The following SEC31A variants were observed in gnomAD, a reference collection of about 807,000 sequenced individuals.
The protein encoded by SEC31A is SEC31 homolog A, COPII component.
Under a neutral mutation model 151.0 loss-of-function variants are expected in SEC31A, and 70 were observed. That is an observed-to-expected ratio of 0.46 (90% CI 0.38 to 0.57). SEC31A has a LOEUF of 0.57. SEC31A is among the 20% of genes least tolerant of loss of function. The pLI is 0.00. For missense variants in SEC31A, 1,330 were observed against 1,471.2 expected (o/e 0.90, Z 1.57); for synonymous variants, 475 against 505.9 (o/e 0.94, Z 0.82).
In SEC31A at chr4:82,848,939, T is replaced by C. The variant is rs889443293; in HGVS notation, c.2367A>G (p.Ala789=). Reference sequence around the variant, plus strand: ...CATGTCCTGCTACAGGCTCTCCTTGTGCTCTACAAAGTCTGTCACGAAGCT... The same window carrying C: ...CATGTCCTGCTACAGGCTCTCCTTGCGCTCTACAAAGTCTGTCACGAAGCT... The part of the protein sequence containing the change: ...IMQLRDRLCR[A]QGEPVAGHES... Residue 789 remains alanine, a synonymous_variant, in exon 20 of 27, where the codon GCA becomes GCG. Coordinates refer to ENST00000395310, the MANE Select transcript of SEC31A (RefSeq NM_001077207.4). 3 of 1,613,930 alleles carry C rather than the reference T, an allele frequency of 1.9e-6. No homozygotes were observed. The highest frequency in any genetic ancestry group is 1.1e-5 in the South Asian group (1 of 91,074).
intron 1 of SEC31A, among the ~76,000 whole-genome samples, chr4:82,886,599 T>C (rs1740762391): frequency 6.6e-6 from 1 of 152,208 alleles, no homozygotes; most frequent in Non-Finnish European, 1.5e-5. Context: ...AAGGCATTTA[T>C]TTTCTTACAT....
rs773337418 is a variant in SEC31A at position 82,819,208 on chromosome 4, T to C, written c.3529A>G (p.Ile1177Val). The C allele has an allele frequency of 6.2e-7, 1 of 1,610,864 alleles. No individual in the cohort carries two copies. Among genetic ancestry groups the C allele is most frequent in the Admixed American group, 1.7e-5 (1 of 59,566 alleles). The change falls in exon 27 of 27, where the codon ATT becomes GTT. Residue 1177 changes from isoleucine (I) to valine (V), a missense_variant. Transcript: ENST00000395310. ...CCTTCTGAGTAGTTTCGAGTTTCAA[T>C]GCTCCTTGCAATGTTGTGTAAACCA... ...TSGLHNIARSIETRNYSEGLT... is the reference protein window; with the variant it reads ...TSGLHNIARSVETRNYSEGLT...
chr4:82,827,589 A>G lies in SEC31A; in HGVS notation c.3071T>C (p.Ile1024Thr). Residue 1024 changes from isoleucine (I) to threonine (T), a missense_variant, in exon 24 of 27, where the codon ATC becomes ACC. By Grantham distance (89) the Ile-to-Thr change is moderately conservative. Coordinates refer to ENST00000395310, the MANE Select transcript of SEC31A (RefSeq NM_001077207.4). ...CTGGGGGTCACCCAACGGGTTCATG[A>G]TTGGTGATGTGATGGGAACAGGAGG... ...FMPPVPITSP[I>T]MNPLGDPQSQ... The G allele has an allele frequency of 6.2e-7, 1 of 1,614,210 alleles. No individual in the cohort carries two copies. The highest frequency in any genetic ancestry group is 8.5e-7 in the Non-Finnish European group (1 of 1,180,024).
chr4:82,885,165 A>G (rs11943789), intron 1 of SEC31A, among the ~76,000 whole-genome samples: 1,540 of 152,324 alleles, frequency 0.01, 27 homozygotes, highest in African/African-American at 0.035. Context: ...CATTACAAAC[A>G]AAATAACAAA....
intron 6 of SEC31A, among the ~76,000 whole-genome samples, chr4:82,873,683 A>AT (rs1385782110): frequency 1.3e-5 from 2 of 152,172 alleles, no homozygotes; most frequent in African/African-American, 4.8e-5. Flanking sequence ...TTTAAACTAC[A>AT]TATGTATGCC....
intron 3 of SEC31A, among the ~76,000 whole-genome samples, chr4:82,898,951 T>TG (rs1192562648): frequency 6.6e-6 from 1 of 151,702 alleles, no homozygotes; most frequent in Non-Finnish European, 1.5e-5. Context: ...AAAAAAAAAT[T>TG]GGAAAACCCA....
At chr4:82,845,805 C>T (rs1729974114) in intron 20 of SEC31A, among the ~76,000 whole-genome samples, 1 of 152,076 alleles carries the variant, frequency 6.6e-6, no homozygotes, top group Non-Finnish European at 1.5e-5. Context: ...AAAACTCATA[C>T]AATCAGAGTA....
intron 8 of SEC31A, among the ~76,000 whole-genome samples, chr4:82,867,903 G>A (rs1030793182): frequency 1.2e-4 from 18 of 152,242 alleles, no homozygotes; most frequent in African/African-American, 4.1e-4. Context: ...AAAGTGCTGG[G>A]ATTACAGGCG....
upstream of SEC31A, chr4:82,891,195 C>T (rs1422987146): frequency 6.5e-7 from 1 of 1,531,516 alleles, no homozygotes. Flanking sequence ...CTCCACGTTC[C>T]GTTCCAACGT....
chr4:82,866,265 G>A (rs1735362840), intron 10 of SEC31A, among the ~76,000 whole-genome samples: 1 of 152,126 alleles, frequency 6.6e-6, no homozygotes, highest in African/African-American at 2.4e-5. Context: ...GAGGTCAGGA[G>A]TTCAAGACCA....
At chr4:82,854,760 G>C (rs1354848348) in intron 17 of SEC31A, 143 bp downstream of exon 17, 2 of 712,702 alleles carry the variant, frequency 2.8e-6, no homozygotes, top group African/African-American at 1.9e-5. Context: ...TAATAAATCT[G>C]AGAAAGGCAC....
intron 22 of SEC31A, among the ~76,000 whole-genome samples, chr4:82,834,995 G>A (rs1232767304): frequency 3.3e-5 from 5 of 152,044 alleles, no homozygotes; most frequent in South Asian, 2.1e-4. Context: ...ACAGGTGCTC[G>A]CCACCATGCC....
chr4:82,875,630 T>A, intron 5 of SEC31A, 97 bp downstream of exon 5: 1 of 679,746 alleles, frequency 1.5e-6, no homozygotes, highest in African/African-American at 1.8e-5. Context: ...TAAACATATA[T>A]GTTTTGTGTG....
chr4:82,888,705 A>T (rs34307552), intron 1 of SEC31A, among the ~76,000 whole-genome samples: 264 of 151,394 alleles, frequency 1.7e-3, no homozygotes, highest in African/African-American at 6.0e-3. Flanking sequence ...AAATAAAAAA[A>T]AAAAAAAATT....
chr4:82,891,258 C>A (rs912006995), upstream of SEC31A: 3 of 1,333,002 alleles, frequency 2.3e-6, no homozygotes, highest in African/African-American at 1.5e-5. Context: ...GGAGCGACAT[C>A]TTTCCCCGCC....
intron 1 of SEC31A, among the ~76,000 whole-genome samples, chr4:82,883,779 T>C (rs1022543139): frequency 2.7e-5 from 4 of 150,744 alleles, no homozygotes; most frequent in African/African-American, 9.8e-5. Context: ...CAGTGAGCCG[T>C]GATTGCGCCA....
rs1731430730 is a variant in SEC31A, at chr4:82,851,418, C to T, written c.2328+13G>A. The T allele has an allele frequency of 2.5e-6, 4 of 1,602,834 alleles. No homozygotes were observed. The highest frequency in any genetic ancestry group is 3.4e-6 in the Non-Finnish European group (4 of 1,173,480). Reference sequence around the variant, plus strand: ...CTTACTCAAACATTACAAAAATGGTCAATTCTAATTACCTGGTTGGTGTTG... The same window carrying T: ...CTTACTCAAACATTACAAAAATGGTTAATTCTAATTACCTGGTTGGTGTTG... On this transcript the variant is annotated intron_variant, in intron 19 of 26. Coordinates refer to ENST00000395310, the MANE Select transcript of SEC31A (RefSeq NM_001077207.4).
intron 6 of SEC31A, among the ~76,000 whole-genome samples, chr4:82,873,668 T>C (rs1462448494): frequency 2.0e-5 from 3 of 152,214 alleles, no homozygotes; most frequent in Non-Finnish European, 2.9e-5. Flanking sequence ...GTTGTTATTG[T>C]TGTTTTTAAA....
chr4:82,848,065 T>C (rs936670118), intron 20 of SEC31A, among the ~76,000 whole-genome samples: 1 of 152,172 alleles, frequency 6.6e-6, no homozygotes, highest in East Asian at 1.9e-4. Context: ...ACCTGTTAAC[T>C]TTGCTATCAA....
Sources: gnomAD v4.1 joint callset for allele counts (sites outside exome capture counted in the v4.1 genomes callset) on GRCh38, gnomAD v4.1.1 for gene constraint, MANE v1.5 for transcripts, NCBI Gene and HGNC (gene_info 2026-07-23, HGNC 2026-07-21) for gene names.